SMC3: variants seen among roughly 807,000 people sequenced by gnomAD.
SMC3 encodes structural maintenance of chromosomes 3.
Under a neutral mutation model 171.8 loss-of-function variants are expected in SMC3, and 20 were observed. That is an observed-to-expected ratio of 0.12 (90% CI 0.08 to 0.17). SMC3 has a LOEUF of 0.17. Ranked by LOEUF, SMC3 falls within the 10% of genes least tolerant of loss-of-function variation. SMC3 has a pLI of 1.00. For synonymous variants in SMC3, 464 were observed against 451.1 expected (o/e 1.03, Z -0.36); for missense variants, 543 against 1,420.4 (o/e 0.38, Z 9.93).
intron 18 of SMC3, among the ~76,000 whole-genome samples, chr10:110,595,640 A>G (rs944369901): frequency 2.0e-5 from 3 of 152,200 alleles, no homozygotes; most frequent in Non-Finnish European, 4.4e-5. Flanking sequence ...CAAAATGGTG[A>G]TTCATAAATT....
At chr10:110,583,661 C>T (rs186189469) in intron 11 of SMC3, 113 bp downstream of exon 11, 135 of 1,250,538 alleles carry the variant, frequency 1.1e-4, no homozygotes, top group Non-Finnish European at 1.4e-4. Context: ...AGCTTTGCTA[C>T]GTTAGCATAA....
Position 110,600,592 on chromosome 10 carries a change from C to A in SMC3, c.2535+46C>A. ...TTTTTTTTAAGGGCTCCTTGGTGGC[C>A]ATGACCTATTGCAAGTGGTTATATC... On this transcript the variant is annotated intron_variant, in intron 22 of 28. Coordinates refer to ENST00000361804, the MANE Select transcript of SMC3 (RefSeq NM_005445.4). 3 of 943,088 alleles carry A rather than the reference C, an allele frequency of 3.2e-6. No homozygotes were observed. In the South Asian group the frequency reaches 3.9e-5, roughly 12 times the overall value. The allele number at this position is 943,088 out of a possible 1,614,324, so 58.4% of individuals were successfully genotyped here.
In SMC3 at chr10:110,596,458, G is replaced by A. The variant is rs2134745310; in HGVS notation, c.2024G>A (p.Arg675Gln). ...TGGYYDTRKS[R>Q]LELQKDVRKA... ...GGTTATTATGACACAAGGAAGTCTC[G>A]ACTTGAATTGCAAAAAGATGTTAGA... The change falls in exon 19 of 29, where the codon CGA becomes CAA. Residue 675 changes from arginine to glutamine, a missense_variant. By Grantham distance (43) the Arg-to-Gln change is conservative. This residue lies in a region of SMC3 where 218 missense variants were observed against 509.6 expected (regional missense o/e 0.43). Transcript: ENST00000361804. 6.2e-7 allele frequency: 1 copy of A among 1,613,990 alleles called. No homozygotes were observed. The highest frequency in any genetic ancestry group is 8.5e-7 in the Non-Finnish European group (1 of 1,179,962).
rs777265165 is a variant in SMC3, at chr10:110,593,062, T to A, written c.1813-11T>A. On this transcript the variant is annotated splice_polypyrimidine_tract_variant and intron_variant, in intron 17 of 28. Transcript: ENST00000361804. ...GTTGTGATCTCTCTGTTGACAAAAT[T>A]TCATTTTTAGGATGCTATTCCTATG... is the stretch of plus-strand genomic sequence containing the variant. The A allele has an allele frequency of 6.2e-7, 1 of 1,611,586 alleles. No individual in the cohort carries two copies. Among genetic ancestry groups the A allele is most frequent in the African/African-American group, 1.3e-5 (1 of 75,016 alleles).
In SMC3 at chr10:110,596,637, A is replaced by G. The variant is rs1276308758; in HGVS notation, c.2116+87A>G. The G allele has an allele frequency of 3.1e-6, 4 of 1,276,800 alleles. No individual in the cohort carries two copies. In the Admixed American group the frequency reaches 7.3e-5, roughly 23 times the overall value. 79.1% of individuals were successfully genotyped at this position (1,276,800 alleles called of 1,614,324 possible). A position where few individuals can be genotyped will look rare whatever the true frequency, so the allele number is the denominator to read the frequency against. On this transcript the variant is annotated intron_variant, in intron 19 of 28. Transcript: ENST00000361804. ...CATATATAATCTTTTGTTTTTTCAC[A>G]TATTAAAAATTTCTTGTGTTTTAAG...
rs1861378380 is a variant in SMC3 at position 110,601,042 on chromosome 10, G to C, written c.2556G>C (p.Glu852Asp). Residue 852 changes from glutamate (E) to aspartate (D), a missense_variant, in exon 23 of 29, where the codon GAG (glutamate) becomes GAC (aspartate). Around this residue, in one of 8 missense-constraint regions of SMC3, gnomAD observed 33 missense variants for 33.6 expected, o/e 0.98. Transcript: ENST00000361804. ...TACAGGAACTTAATGAGCTGAGAGAGACAGAAGGGGGTACTGTTCTCACAG... is the reference window on the plus strand; with the variant it reads ...TACAGGAACTTAATGAGCTGAGAGACACAGAAGGGGGTACTGTTCTCACAG... The part of the protein sequence containing the change: ...QVEQELNELR[E>D]TEGGTVLTAT... The C allele has an allele frequency of 1.9e-6, 3 of 1,613,122 alleles. No individual in the cohort carries two copies. The highest frequency in any genetic ancestry group is 2.5e-6 in the Non-Finnish European group (3 of 1,179,376).
chr10:110,604,162 A>G, intron 28 of SMC3, 69 bp from the exon 29 acceptor site: 1 of 892,488 alleles, frequency 1.1e-6, no homozygotes, highest in Non-Finnish European at 1.9e-6. Flanking sequence ...TAGGCTGTAT[A>G]TATTTACCCT....
Position 110,572,332 on chromosome 10 carries a change from T to C in SMC3, c.92-1375T>C, listed in dbSNP as rs561352088. ...TAGTAATCTGTCCATTTTCCAGTTA[T>C]GTTGACTGACCCAGAAGTGTTCTTG... On this transcript the variant is annotated intron_variant, in intron 2 of 28. Transcript: ENST00000361804. Among the ~76,000 whole-genome samples, 26 of 152,342 alleles carry C rather than the reference T, an allele frequency of 1.7e-4. No homozygotes were observed. The Middle Eastern group carries it at 0.01, about 60-fold the overall frequency.
chr10:110,601,167 T>C (rs756074197), intron 23 of SMC3, 37 bp downstream of exon 23: 3 of 1,418,144 alleles, frequency 2.1e-6, no homozygotes, highest in East Asian at 2.3e-5. Flanking sequence ...TTTATATGCA[T>C]GTTTTATAAA....
chr10:110,584,312 T>G lies in SMC3; in HGVS notation c.1221T>G (p.Asn407Lys). The stretch of plus-strand genomic sequence containing the variant: ...TCAAGTCTTTAGATCAGGCTATTAA[T>G]GACAAGAAAAGACAGATTGCTGCTA... ...KELKSLDQAINDKKRQIAAIH... is the reference protein window; with the variant it reads ...KELKSLDQAIKDKKRQIAAIH... Residue 407 changes from asparagine (N) to lysine (K), a missense_variant, in exon 13 of 29, where the codon AAT (asparagine) becomes AAG (lysine). Physicochemically the swap from Asn to Lys is moderately conservative, Grantham distance 94. Around this residue, in one of 8 missense-constraint regions of SMC3, gnomAD observed 218 missense variants for 509.6 expected, o/e 0.43. Transcript: ENST00000361804. The G allele has an allele frequency of 6.2e-7, 1 of 1,613,966 alleles. No homozygotes were observed. Among genetic ancestry groups the G allele is most frequent in the Non-Finnish European group, 8.5e-7 (1 of 1,179,884 alleles).
rs1861452166 is a variant in SMC3 at position 110,605,327 on chromosome 10, T to C, written c.*1025T>C. 6.6e-6 allele frequency among the ~76,000 whole-genome samples: 1 copy of C among 152,148 alleles called. No homozygotes were observed. Among genetic ancestry groups the C allele is most frequent in the Non-Finnish European group, 1.5e-5 (1 of 68,000 alleles). On this transcript the variant is annotated 3_prime_UTR_variant, in exon 29 of 29. Coordinates refer to ENST00000361804, the MANE Select transcript of SMC3 (RefSeq NM_005445.4). ...AACTACCTCAATAGTCCTCGTAGCTTTTTGTAGATTCTTTGAGATTTTCTA... is the reference window on the plus strand; with the variant it reads ...AACTACCTCAATAGTCCTCGTAGCTCTTTGTAGATTCTTTGAGATTTTCTA...
At chr10:110,575,243 C>G (rs1860930139) in intron 3 of SMC3, 93 bp from the exon 4 acceptor site, 7 of 880,500 alleles carry the variant, frequency 8.0e-6, no homozygotes, top group Admixed American at 1.8e-5. Flanking sequence ...TGTCTATTAC[C>G]AGACACACTA....
rs543680043 is a variant in SMC3 at position 110,602,342 on chromosome 10, G to A, written c.3106-132G>A. The A allele has an allele frequency of 4.2e-6, 4 of 951,530 alleles. No homozygotes were observed. In the South Asian group the frequency reaches 4.2e-5, roughly 10 times the overall value. The allele number at this position is 951,530 out of a possible 1,614,324, so 58.9% of individuals were successfully genotyped here. A position where few individuals can be genotyped will look rare whatever the true frequency, so the allele number is the denominator to read the frequency against. On this transcript the variant is annotated intron_variant, in intron 25 of 28. Coordinates refer to ENST00000361804, the MANE Select transcript of SMC3 (RefSeq NM_005445.4). Reference sequence around the variant, plus strand: ...TACAGTAACTTGAATGTTTTACACAGCCCTTAGAAGGATCTAGTCTGTTAT... The same window carrying A: ...TACAGTAACTTGAATGTTTTACACAACCCTTAGAAGGATCTAGTCTGTTAT...
Position 110,582,077 on chromosome 10 carries a change from G to A in SMC3, c.702G>A (p.Glu234=). ...CCATTTACAATCAGGAACTTAACGA[G>A]ACTCGTGCCAAACTTGATGAGGTAA... The part of the protein sequence containing the change: ...EYTIYNQELN[E]TRAKLDELSA... The change falls in exon 9 of 29, where the codon GAG becomes GAA. Residue 234 remains glutamate, a synonymous_variant. Coordinates refer to ENST00000361804, the MANE Select transcript of SMC3 (RefSeq NM_005445.4). 1 of 1,613,650 alleles carries A rather than the reference G, an allele frequency of 6.2e-7. No homozygotes were observed. Among genetic ancestry groups the A allele is most frequent in the East Asian group, 2.2e-5 (1 of 44,802 alleles).
chr10:110,581,036 A>G lies in SMC3; in HGVS notation c.547+15A>G, dbSNP rs767404851. 3 of 1,375,100 alleles carry G rather than the reference A, an allele frequency of 2.2e-6. No individual in the cohort carries two copies. In the South Asian group the frequency reaches 3.5e-5, roughly 16 times the overall value. 85.2% of individuals were successfully genotyped at this position (1,375,100 alleles called of 1,614,324 possible). On this transcript the variant is annotated intron_variant, in intron 8 of 28. Transcript: ENST00000361804. Reference sequence around the variant, plus strand: ...GAAAGAAACAGGTAAAATAAATGTGATTCTGCCTTATTTTTTTGTTGCAAA... The same window carrying G: ...GAAAGAAACAGGTAAAATAAATGTGGTTCTGCCTTATTTTTTTGTTGCAAA...
chr10:110,590,180 T>C lies in SMC3; in HGVS notation c.1509+189T>C, dbSNP rs1257799958. Among the ~76,000 whole-genome samples the C allele has an allele frequency of 2.0e-5, 3 of 152,206 alleles. No homozygotes were observed. The South Asian group carries it at 6.2e-4, about 31-fold the overall frequency. On this transcript the variant is annotated intron_variant, in intron 15 of 28. Transcript: ENST00000361804. ...ACTACACATACTATTAATAGCACTTTTGATGTTCAGATAAAGAGCCCATTT... is the reference window on the plus strand; with the variant it reads ...ACTACACATACTATTAATAGCACTTCTGATGTTCAGATAAAGAGCCCATTT...
chr10:110,586,602 T>A (rs1861120403), intron 13 of SMC3, among the ~76,000 whole-genome samples: 1 of 152,222 alleles, frequency 6.6e-6, no homozygotes, highest in East Asian at 1.9e-4. Context: ...GAATGACCAC[T>A]TGTAAAGATG....
At chr10:110,584,813 C>G (rs570377114) in intron 13 of SMC3, among the ~76,000 whole-genome samples, 9 of 152,020 alleles carry the variant, frequency 5.9e-5, no homozygotes, top group Non-Finnish European at 8.8e-5. Context: ...TTTGTAGAGA[C>G]GAGGTCTTGC....
intron 1 of SMC3, among the ~76,000 whole-genome samples, chr10:110,568,086 G>A (rs892141481): frequency 3.9e-5 from 6 of 152,188 alleles, no homozygotes; most frequent in African/African-American, 7.2e-5. Context: ...ATCTCCGAGA[G>A]GTGTGGAAGG....
Sources: allele counts gnomAD v4.1 joint callset (sites outside exome capture counted in the v4.1 genomes callset), GRCh38; gene constraint gnomAD v4.1.1; regional missense constraint gnomAD v4.1.1; transcripts MANE v1.5; gene names NCBI Gene and HGNC (gene_info 2026-07-23, HGNC 2026-07-21).